PLPPR1: variants seen among roughly 807,000 people sequenced by gnomAD.
PLPPR1 encodes phospholipid phosphatase related 1.
In PLPPR1, 10 loss-of-function variants were observed where a neutral mutation model predicts 33.1. That is an observed-to-expected ratio of 0.30 (90% CI 0.19 to 0.51). The LOEUF is 0.51. Among genes scored for constraint, PLPPR1 ranks in the 20% least tolerant of loss-of-function variants. PLPPR1 has a pLI of 0.97. For missense variants in PLPPR1, 304 were observed against 408.1 expected, an observed-to-expected ratio of 0.74 and a Z score of 2.20; for synonymous variants, 151 against 151.0, an observed-to-expected ratio of 1.00 and a Z score of 0.00.
intron 1 of PLPPR1, among the ~76,000 whole-genome samples, chr9:101,095,816 G>A (rs1285316064): frequency 6.6e-6 from 1 of 152,082 alleles, no homozygotes; most frequent in Non-Finnish European, 1.5e-5. Flanking sequence ...CTCTGAAGGA[G>A]GCTGAATTCA....
At chr9:101,064,224 C>G (rs2118472891) in intron 1 of PLPPR1, among the ~76,000 whole-genome samples, 1 of 152,098 alleles carries the variant, frequency 6.6e-6, no homozygotes, top group African/African-American at 2.4e-5. Flanking sequence ...AGTACATTAC[C>G]TGAAAACTTA....
intron 4 of PLPPR1, among the ~76,000 whole-genome samples, chr9:101,300,764 A>T (rs1178570589): frequency 1.3e-5 from 2 of 152,196 alleles, no homozygotes; most frequent in East Asian, 3.9e-4. Flanking sequence ...TTTAGTTTGT[A>T]TCCAGGGCAT....
chr9:101,202,075 G>A (rs550313685), intron 2 of PLPPR1, among the ~76,000 whole-genome samples: 1 of 152,266 alleles, frequency 6.6e-6, no homozygotes, highest in Non-Finnish European at 1.5e-5. Flanking sequence ...CCAGTTTGGA[G>A]GTTTATGTGA....
intron 1 of PLPPR1, among the ~76,000 whole-genome samples, chr9:101,178,455 C>T (rs771690425): frequency 1.3e-5 from 2 of 152,176 alleles, no homozygotes; most frequent in Non-Finnish European, 2.9e-5. Flanking sequence ...ATGGGTTTGC[C>T]TATCCTTCAC....
intron 1 of PLPPR1, among the ~76,000 whole-genome samples, chr9:101,110,598 A>G (rs1307958604): frequency 6.6e-6 from 1 of 152,158 alleles, no homozygotes; most frequent in Non-Finnish European, 1.5e-5. Flanking sequence ...CACTAAATCT[A>G]GTAAAATTAT....
At chr9:101,063,892 A>G (rs1169021027) in intron 1 of PLPPR1, among the ~76,000 whole-genome samples, 1 of 152,074 alleles carries the variant, frequency 6.6e-6, no homozygotes, top group Non-Finnish European at 1.5e-5. Context: ...CTCCCACTAG[A>G]GTGTAAGCTC....
At chr9:101,055,899 T>C (rs1439725588) in intron 1 of PLPPR1, among the ~76,000 whole-genome samples, 1 of 152,220 alleles carries the variant, frequency 6.6e-6, no homozygotes, top group Non-Finnish European at 1.5e-5. Flanking sequence ...AGCCACTGTT[T>C]GCTTGGAATA....
chr9:101,140,501 C>G (rs1378372376), intron 1 of PLPPR1, among the ~76,000 whole-genome samples: 1 of 152,086 alleles, frequency 6.6e-6, no homozygotes, highest in Non-Finnish European at 1.5e-5. Context: ...GCAGAAGATG[C>G]CTTACGTTTT....
chr9:101,180,154 A>C (rs1826082770), intron 1 of PLPPR1, among the ~76,000 whole-genome samples: 1 of 136,574 alleles, frequency 7.3e-6, no homozygotes, highest in African/African-American at 2.7e-5. Context: ...ACACACACAC[A>C]CACACACATA....
intron 1 of PLPPR1, among the ~76,000 whole-genome samples, chr9:101,145,158 C>T (rs1831504877): frequency 6.6e-6 from 1 of 152,062 alleles, no homozygotes; most frequent in Non-Finnish European, 1.5e-5. Context: ...CAAAGGATAC[C>T]AAATTTCAGA....
rs367867610 is a variant in PLPPR1, at chr9:101,237,979, C to CTATATATA, written c.64-31883_64-31876dup. Reference sequence around the variant, plus strand: ...TACACACACACACAGGCTATATAGCCTATATATATATATATATATATATAT... The same window carrying CTATATATA: ...TACACACACACACAGGCTATATAGCCTATATATATATATATATATATATATATATATAT... On this transcript the variant is annotated intron_variant, in intron 2 of 7. Transcript: ENST00000374874. 4.7e-3 allele frequency among the ~76,000 whole-genome samples: 371 copies of CTATATATA among 79,396 alleles called. 5 individuals are homozygous for CTATATATA. Among genetic ancestry groups the CTATATATA allele is most frequent in the African/African-American group, 0.014 (275 of 19,740 alleles). 52.1% of individuals were successfully genotyped at this position (79,396 alleles called of 152,430 possible).
chr9:101,197,392 A>G (rs1826417011), intron 2 of PLPPR1, among the ~76,000 whole-genome samples: 1 of 152,198 alleles, frequency 6.6e-6, no homozygotes, highest in African/African-American at 2.4e-5. Context: ...AAGGGCAAAT[A>G]TTTAAGGCAG....
chr9:101,170,595 T>C (rs1014485204), intron 1 of PLPPR1, among the ~76,000 whole-genome samples: 3 of 152,142 alleles, frequency 2.0e-5, no homozygotes, highest in African/African-American at 7.2e-5. Flanking sequence ...TGAAAGTGTG[T>C]AATAGACTTG....
At chr9:101,255,818 G>T (rs1827791611) in intron 2 of PLPPR1, among the ~76,000 whole-genome samples, 1 of 152,090 alleles carries the variant, frequency 6.6e-6, no homozygotes, top group South Asian at 2.1e-4. Flanking sequence ...ATTTAGATGT[G>T]CCTTTGCAAA....
intron 2 of PLPPR1, among the ~76,000 whole-genome samples, chr9:101,231,362 G>GT (rs11320655): frequency 0.022 from 3,085 of 142,736 alleles, 61 homozygotes; most frequent in Middle Eastern, 0.059. Context: ...GAGATCGTTT[G>GT]TTTTTTTTTT....
intron 1 of PLPPR1, among the ~76,000 whole-genome samples, chr9:101,045,809 C>T (rs1830136351): frequency 6.6e-6 from 1 of 152,170 alleles, no homozygotes; most frequent in African/African-American, 2.4e-5. Flanking sequence ...CCTTCAATTT[C>T]TTCCTTGAAA....
intron 2 of PLPPR1, among the ~76,000 whole-genome samples, chr9:101,223,589 G>A (rs1219949790): frequency 1.3e-5 from 2 of 152,054 alleles, no homozygotes; most frequent in Non-Finnish European, 2.9e-5. Flanking sequence ...ATTGAATTAT[G>A]GGGGCAGTTT....
At chr9:101,166,360 C>A (rs1825858512) in intron 1 of PLPPR1, among the ~76,000 whole-genome samples, 2 of 152,282 alleles carry the variant, frequency 1.3e-5, no homozygotes, top group East Asian at 1.9e-4. Flanking sequence ...GGGGAGACAT[C>A]GTTTTTATCC....
intron 2 of PLPPR1, among the ~76,000 whole-genome samples, chr9:101,209,383 G>A (rs191144409): frequency 6.6e-6 from 1 of 152,334 alleles, no homozygotes; most frequent in African/African-American, 2.4e-5. Flanking sequence ...ACTCAGCGTA[G>A]CTGTGTTATA....
Sources: allele counts gnomAD v4.1 joint callset (sites outside exome capture counted in the v4.1 genomes callset), GRCh38; gene constraint gnomAD v4.1.1; transcripts MANE v1.5; gene names NCBI Gene and HGNC (gene_info 2026-07-23, HGNC 2026-07-21).